The following DENND2B variants were observed in gnomAD, a reference collection of about 807,000 sequenced individuals.
The protein encoded by DENND2B is DENN domain-containing protein 2B.
DENND2B carries 32 observed loss-of-function variants against 116.0 expected under a neutral mutation model. The ratio of observed to expected loss-of-function variants is 0.28; its 90% CI spans 0.21 to 0.37. The LOEUF is 0.37. Ranked by LOEUF, DENND2B falls within the 10% of genes least tolerant of loss-of-function variation. DENND2B has a pLI of 1.00. For synonymous variants in DENND2B, 588 were observed against 583.9 expected, an observed-to-expected ratio of 1.01 and a Z score of -0.10; for missense variants, 1,276 against 1,477.7, an observed-to-expected ratio of 0.86 and a Z score of 2.24.
At chr11:8,815,789 T>C (rs766879076) in intron 4 of DENND2B, among the ~76,000 whole-genome samples, 2 of 152,226 alleles carry the variant, frequency 1.3e-5, no homozygotes, top group Non-Finnish European at 2.9e-5. Context: ...TCGAGGTGTA[T>C]CCACTTTAGT....
intron 3 of DENND2B, among the ~76,000 whole-genome samples, chr11:8,840,960 C>G (rs1352424645): frequency 2.0e-5 from 3 of 152,146 alleles, no homozygotes; most frequent in Non-Finnish European, 4.4e-5. Flanking sequence ...AATGGACTCC[C>G]AACAGTAACT....
At chr11:8,821,492 T>A (rs549385972) in intron 4 of DENND2B, among the ~76,000 whole-genome samples, 1 of 150,830 alleles carries the variant, frequency 6.6e-6, no homozygotes, top group Non-Finnish European at 1.5e-5. Context: ...AGTAGGAGGA[T>A]CACATTAGCC....
chr11:8,834,813 A>C lies in DENND2B; in HGVS notation c.-115+4497T>G, dbSNP rs192760532. Among the ~76,000 whole-genome samples, 292 of 152,384 alleles carry C rather than the reference A, an allele frequency of 1.9e-3. 1 individual carries two copies. The highest frequency in any genetic ancestry group is 6.7e-3 in the African/African-American group (278 of 41,594). ...TTGAAGACAGTTTTCCACAGAAACA[A>C]CACCAGACATGGTAGCCAGATGCGC... On this transcript the variant is annotated intron_variant, in intron 4 of 6. Transcript: ENST00000524757.
chr11:8,804,055 A>G (rs2134437797), intron 1 of DENND2B, among the ~76,000 whole-genome samples: 1 of 152,332 alleles, frequency 6.6e-6, no homozygotes, highest in East Asian at 1.9e-4. Flanking sequence ...CCCGTCTGTG[A>G]GGAGTGAGCA....
Position 8,730,710 on chromosome 11 carries a change from C to T in DENND2B, c.580G>A (p.Glu194Lys). The T allele has an allele frequency of 4.3e-6, 7 of 1,612,042 alleles. No homozygotes were observed. Among genetic ancestry groups the T allele is most frequent in the Non-Finnish European group, 5.9e-6 (7 of 1,179,806 alleles). The stretch of plus-strand genomic sequence containing the variant: ...GGGCAGCCCTCACTGGCCGCCCACT[C>T]GCTCCCAGAGCCCTCCCGCTTCTCT... ...CGEKREGSGS[E>K]WAASEGCPSL... The change falls in exon 3 of 20, where the codon GAG (glutamate) becomes AAG (lysine). Residue 194 changes from glutamate to lysine, a missense_variant. Glu to Lys is a moderately conservative substitution (Grantham distance 56). Transcript: ENST00000313726. The surrounding 1 kb of genome is among the most constrained non-coding windows in gnomAD (Gnocchi z 4.1).
At chr11:8,888,164 T>C (rs2063983393) in intron 1 of DENND2B, among the ~76,000 whole-genome samples, 1 of 152,048 alleles carries the variant, frequency 6.6e-6, no homozygotes, top group South Asian at 2.1e-4. Flanking sequence ...ACCTAAATTG[T>C]GGTTAATTTT....
chr11:8,792,331 T>G (rs571932316), intron 1 of DENND2B, among the ~76,000 whole-genome samples: 48 of 152,318 alleles, frequency 3.2e-4, no homozygotes, highest in African/African-American at 1.0e-3. Flanking sequence ...AAATTTTTTT[T>G]TGTGATTCTG....
chr11:8,890,470 C>G (rs539327502), intron 1 of DENND2B, among the ~76,000 whole-genome samples: 2 of 152,012 alleles, frequency 1.3e-5, no homozygotes, highest in Admixed American at 1.3e-4. Context: ...TTGAACCCAT[C>G]GAGAAGAAGC....
At chr11:8,719,097 T>A in intron 4 of DENND2B, 1 of 985,476 alleles carries the variant, frequency 1.0e-6, no homozygotes, top group African/African-American at 1.7e-5. Flanking sequence ...GAATGTGCCT[T>A]ACGCCCCAGA....
intron 11 of DENND2B, 101 bp downstream of exon 11, chr11:8,710,744 T>A (rs2043464687): frequency 8.4e-7 from 1 of 1,191,986 alleles, no homozygotes; most frequent in South Asian, 1.3e-5. Context: ...AAGCTAAAAT[T>A]GCAGAAGGGC....
chr11:8,890,471 G>A (rs993660830), intron 1 of DENND2B, among the ~76,000 whole-genome samples: 6 of 152,124 alleles, frequency 3.9e-5, no homozygotes, highest in African/African-American at 1.4e-4. Flanking sequence ...TGAACCCATC[G>A]AGAAGAAGCT....
Position 8,750,601 on chromosome 11 carries a change from A to C in DENND2B, c.80+20T>G. The C allele has an allele frequency of 6.2e-7, 1 of 1,610,320 alleles. No homozygotes were observed. The highest frequency in any genetic ancestry group is 8.5e-7 in the Non-Finnish European group (1 of 1,176,588). ...CCTAGGTCCCTTGATGCCACCTCCC[A>C]CAAGTGCTCCCTTACCCACCTGCTC... On this transcript the variant is annotated intron_variant, in intron 2 of 19. Transcript: ENST00000313726.
chr11:8,699,471 G>A (rs1414129129), intron 14 of DENND2B, 81 bp from the exon 15 acceptor site: 4 of 1,407,642 alleles, frequency 2.8e-6, no homozygotes, highest in Admixed American at 2.9e-5. Flanking sequence ...GACAGCCTTT[G>A]ATCGTAAACC....
chr11:8,757,814 C>T (rs1410206030), intron 1 of DENND2B, among the ~76,000 whole-genome samples: 1 of 152,214 alleles, frequency 6.6e-6, no homozygotes, highest in African/African-American at 2.4e-5. Context: ...TGGCCTGCAC[C>T]AGCTCTGGGC....
chr11:8,707,941 G>A lies in DENND2B; in HGVS notation c.2353-87C>T. The stretch of plus-strand genomic sequence containing the variant: ...CTGGCTCCTTTTCCTTGGGAACGGA[G>A]GAGTAAGGACTGCCCTTCTAGTGGA... On this transcript the variant is annotated intron_variant, in intron 11 of 19. Transcript: ENST00000313726. This position sits in a 1 kb window ranked among gnomAD's most constrained non-coding sequence, Gnocchi z 4.8. The A allele has an allele frequency of 6.5e-7, 1 of 1,545,876 alleles. No individual in the cohort carries two copies. The highest frequency in any genetic ancestry group is 1.4e-5 in the African/African-American group (1 of 73,454).
In DENND2B at chr11:8,694,972, G is replaced by A. The variant is rs528930964; in HGVS notation, c.3379+491C>T. 1.6e-3 allele frequency among the ~76,000 whole-genome samples: 240 copies of A among 152,308 alleles called. 2 individuals carry two copies. The highest frequency in any genetic ancestry group is 5.1e-4 in the Non-Finnish European group (35 of 68,026). Reference sequence around the variant, plus strand: ...AGCTACTCAGGAGGTGGAGGAGGGAGGATCACGTGAGGCCAGAAGTTTGAG... The same window carrying A: ...AGCTACTCAGGAGGTGGAGGAGGGAAGATCACGTGAGGCCAGAAGTTTGAG... On this transcript the variant is annotated intron_variant, in intron 19 of 19. Transcript: ENST00000313726.
intron 1 of DENND2B, among the ~76,000 whole-genome samples, chr11:8,801,689 A>AAGAAAGAAAG (rs1555198991): frequency 1.7e-5 from 2 of 117,698 alleles, no homozygotes; most frequent in Non-Finnish European, 1.7e-5. Context: ...AAAAAAAAAA[A>AAGAAAGAAAG]AAAGAAAGAA....
intron 1 of DENND2B, among the ~76,000 whole-genome samples, chr11:8,790,276 C>G (rs1020887411): frequency 6.6e-6 from 1 of 152,200 alleles, no homozygotes; most frequent in African/African-American, 2.4e-5. Flanking sequence ...CTCAATTAAT[C>G]CTTTCCTCCC....
rs2042785560 is a variant in DENND2B at position 8,707,374 on chromosome 11, T to C, written c.2431-149A>G. ...TGGTCTTGCCATGATCTGCACACTC[T>C]ACCCTTCCCGTTTTCCTTGGCACTC... On this transcript the variant is annotated intron_variant, in intron 12 of 19. Transcript: ENST00000313726. The surrounding 1 kb of genome is among the most constrained non-coding windows in gnomAD (Gnocchi z 4.8). The C allele has an allele frequency of 3.9e-6, 4 of 1,031,054 alleles. No individual in the cohort carries two copies. Among genetic ancestry groups the C allele is most frequent in the African/African-American group, 3.2e-5 (2 of 62,024 alleles). 63.9% of individuals were successfully genotyped at this position (1,031,054 alleles called of 1,614,324 possible).
Sources: gnomAD v4.1 joint callset for allele counts (sites outside exome capture counted in the v4.1 genomes callset) on GRCh38, gnomAD v4.1.1 for gene constraint, Gnocchi (gnomAD v3.1) non-coding constraint, MANE v1.5 for transcripts, NCBI Gene and HGNC (gene_info 2026-07-23, HGNC 2026-07-21) for gene names.